FABP7: variants seen among roughly 807,000 people sequenced by gnomAD.
The protein encoded by FABP7 is fatty acid-binding protein, brain.
In FABP7, 13 loss-of-function variants were observed where a neutral mutation model predicts 14.2. The observed-to-expected ratio is 0.91, with a 90% CI of 0.59 to 1.45. The LOEUF (loss-of-function observed/expected upper bound fraction) is 1.45, where lower values mean the gene tolerates loss of function less well. Ranked by LOEUF, FABP7 falls within the 40% of genes most tolerant of loss-of-function variation. FABP7 has a pLI of 0.00. For synonymous variants in FABP7, 49 were observed against 51.4 expected (o/e 0.95, Z 0.20); for missense variants, 149 against 157.6 (o/e 0.95, Z 0.29).
chr6:122,754,387 C>G, the FABP7 span, among the ~76,000 whole-genome samples: 3 of 152,182 alleles, frequency 2.0e-5, no homozygotes, highest in African/African-American at 7.2e-5. Flanking sequence ...TTCCTCCTCC[C>G]TATTTCAATG....
At chr6:122,770,057 A>G in the FABP7 span, among the ~76,000 whole-genome samples, 1 of 152,132 alleles carries the variant, frequency 6.6e-6, no homozygotes, top group Non-Finnish European at 1.5e-5. Context: ...CTTGCAAATA[A>G]TGTGTTGCAC....
the FABP7 span, among the ~76,000 whole-genome samples, chr6:122,768,436 T>C: frequency 6.6e-6 from 1 of 152,188 alleles, no homozygotes; most frequent in African/African-American, 2.4e-5. Context: ...TTATGAAGAT[T>C]ACATTGGTAT....
chr6:122,776,201 A>T (rs1037025620), upstream of FABP7, among the ~76,000 whole-genome samples: 1 of 152,154 alleles, frequency 6.6e-6, no homozygotes, highest in Non-Finnish European at 1.5e-5. Flanking sequence ...GAAAATCAGT[A>T]TATCAAAGAG....
the FABP7 span, among the ~76,000 whole-genome samples, chr6:122,772,333 T>C: frequency 6.6e-6 from 1 of 151,976 alleles, no homozygotes; most frequent in African/African-American, 2.4e-5. Context: ...ATTTAAATAA[T>C]GGGAGGTAAA....
the FABP7 span, among the ~76,000 whole-genome samples, chr6:122,753,796 CCCA>C: frequency 0.036 from 3,741 of 104,774 alleles, 129 homozygotes; most frequent in South Asian, 0.053. Flanking sequence ...CCCCCCCCCG[CCCA>C]CAGAAGTTTT....
chr6:122,761,699 T>C, the FABP7 span, among the ~76,000 whole-genome samples: 3 of 152,200 alleles, frequency 2.0e-5, no homozygotes, highest in Non-Finnish European at 2.9e-5. Context: ...TAACACATAC[T>C]TAAATGTAGA....
chr6:122,773,623 G>T, the FABP7 span, among the ~76,000 whole-genome samples: 1 of 152,074 alleles, frequency 6.6e-6, no homozygotes, highest in Non-Finnish European at 1.5e-5. Context: ...TTGTAATTTG[G>T]TAAGAAAGAG....
chr6:122,776,131 T>C (rs1780668912), upstream of FABP7, among the ~76,000 whole-genome samples: 1 of 152,076 alleles, frequency 6.6e-6, no homozygotes, highest in African/African-American at 2.4e-5. Context: ...CTCAAAAAAC[T>C]TAAAATAGAA....
chr6:122,769,861 A>G, the FABP7 span, among the ~76,000 whole-genome samples: 1 of 152,170 alleles, frequency 6.6e-6, no homozygotes. Context: ...GGTGAAAGAA[A>G]AAGTAAAATA....
upstream of FABP7, among the ~76,000 whole-genome samples, chr6:122,775,704 C>CAAA (rs141823193): frequency 0.021 from 3,124 of 149,634 alleles, 273 homozygotes; most frequent in Admixed American, 0.17. Context: ...ACAACAACAA[C>CAAA]AAAAAAAACA....
At chr6:122,778,872 TA>T (rs1780716875), upstream of FABP7, among the ~76,000 whole-genome samples, 1 of 152,218 alleles carries the variant, frequency 6.6e-6, no homozygotes, top group Admixed American at 6.5e-5. Context: ...AAAGTCTTAC[TA>T]AATAATCTTC....
intron 3 of FABP7, 48 bp from the exon 4 acceptor site, chr6:122,783,669 A>G (rs766395050): frequency 6.5e-7 from 1 of 1,549,674 alleles, no homozygotes. Flanking sequence ...AAATTCGGTG[A>G]CTGAAGTTCC....
At chr6:122,764,256 GA>G in the FABP7 span, among the ~76,000 whole-genome samples, 1 of 152,094 alleles carries the variant, frequency 6.6e-6, no homozygotes, top group African/African-American at 2.4e-5. Flanking sequence ...GATGAAGCTG[GA>G]AGCCATTATT....
the FABP7 span, among the ~76,000 whole-genome samples, chr6:122,766,034 G>A: frequency 6.6e-6 from 1 of 152,016 alleles, no homozygotes; most frequent in Non-Finnish European, 1.5e-5. Flanking sequence ...ACAAACAACA[G>A]GAAAGGATCT....
upstream of FABP7, among the ~76,000 whole-genome samples, chr6:122,777,248 A>T (rs115411639): frequency 6.0e-4 from 92 of 152,330 alleles, no homozygotes; most frequent in African/African-American, 2.2e-3. Context: ...TATAGCAATA[A>T]TTTGTAACAA....
At chr6:122,772,785 C>T in the FABP7 span, among the ~76,000 whole-genome samples, 1 of 152,110 alleles carries the variant, frequency 6.6e-6, no homozygotes, top group East Asian at 1.9e-4. Flanking sequence ...ATAATTCACT[C>T]ATTTTTTCCT....
the FABP7 span, among the ~76,000 whole-genome samples, chr6:122,753,790 C>T: frequency 2.1e-5 from 2 of 94,744 alleles, no homozygotes; most frequent in South Asian, 4.5e-4. Flanking sequence ...TCCCGCCCCC[C>T]CCCCGCCCAC....
the FABP7 span, among the ~76,000 whole-genome samples, chr6:122,753,890 T>C: frequency 6.7e-6 from 1 of 149,840 alleles, no homozygotes; most frequent in East Asian, 2.0e-4. Flanking sequence ...CAGCTACCAT[T>C]CAGAGGCTGG....
intron 3 of FABP7, chr6:122,781,617 T>C (rs1780786833): frequency 8.9e-7 from 1 of 1,118,106 alleles, no homozygotes; most frequent in Non-Finnish European, 1.1e-6. Context: ...TAATAAGAGA[T>C]CTTTAAACAG....
Sources: allele counts gnomAD v4.1 joint callset (sites outside exome capture counted in the v4.1 genomes callset), GRCh38; gene constraint gnomAD v4.1.1; transcripts MANE v1.5; gene names NCBI Gene and HGNC (gene_info 2026-07-23, HGNC 2026-07-21).